VPS13A: variants seen among roughly 807,000 people sequenced by gnomAD.
VPS13A encodes the protein intermembrane lipid transfer protein VPS13A.
Under a neutral mutation model 390.9 loss-of-function variants are expected in VPS13A, and 264 were observed. The observed-to-expected ratio is 0.68, with a 90% CI of 0.61 to 0.75. The LOEUF (loss-of-function observed/expected upper bound fraction) is 0.75, where lower values mean the gene tolerates loss of function less well. Ranked by LOEUF, VPS13A falls within the 30% of genes least tolerant of loss-of-function variation. The pLI is 0.00. For synonymous variants in VPS13A, 1,231 were observed against 1,227.1 expected (o/e 1.00, Z -0.07); for missense variants, 3,409 against 3,733.9 (o/e 0.91, Z 2.27).
At chr9:77,316,531 T>A in intron 39 of VPS13A, 125 bp downstream of exon 39, 3 of 744,630 alleles carry the variant, frequency 4.0e-6, no homozygotes, top group Non-Finnish European at 6.9e-6. Context: ...TTCTCTCTGC[T>A]TAGAGAGCTT....
chr9:77,269,430 T>C (rs1188049909), intron 23 of VPS13A, among the ~76,000 whole-genome samples: 1 of 152,222 alleles, frequency 6.6e-6, no homozygotes, highest in Non-Finnish European at 1.5e-5. Context: ...GTTGATATCA[T>C]ACTGTCTTAA....
At chr9:77,400,944 A>G (rs939523222) in intron 68 of VPS13A, among the ~76,000 whole-genome samples, 8 of 152,190 alleles carry the variant, frequency 5.3e-5, no homozygotes, top group African/African-American at 1.9e-4. Flanking sequence ...AGAAGGATAC[A>G]GCTTTAGCCA....
chr9:77,351,171 T>C (rs1169628985), intron 52 of VPS13A, 146 bp from the exon 53 acceptor site: 1 of 1,013,944 alleles, frequency 9.9e-7, no homozygotes, highest in East Asian at 2.8e-5. Context: ...TTTTTAATTG[T>C]ATAAGGTAAG....
chr9:77,219,156 T>C (rs1384133336), intron 10 of VPS13A, among the ~76,000 whole-genome samples: 2 of 152,126 alleles, frequency 1.3e-5, no homozygotes, highest in Non-Finnish European at 2.9e-5. Context: ...ATTTATTTAT[T>C]TCTTCTGCTT....
chr9:77,218,529 T>C (rs1239679290), intron 10 of VPS13A, among the ~76,000 whole-genome samples: 1 of 152,166 alleles, frequency 6.6e-6, no homozygotes, highest in Non-Finnish European at 1.5e-5. Flanking sequence ...TTTTCTCCCA[T>C]TCTACAGTTT....
chr9:77,254,496 G>C (rs1286585272), intron 22 of VPS13A, among the ~76,000 whole-genome samples: 1 of 152,006 alleles, frequency 6.6e-6, no homozygotes, highest in Non-Finnish European at 1.5e-5. Flanking sequence ...TTGTTCTTTC[G>C]ATTGTCTTGG....
At position 77,416,528 on chromosome 9, in the gene VPS13A, T is replaced by C. The variant is rs942320542; in HGVS notation, c.*522T>C. On this transcript the variant is annotated 3_prime_UTR_variant, in exon 72 of 72. Transcript: ENST00000360280. ...GAAGTTCTTTTGCCAGATAAATATTTTGATATTATTTTCCTTTTTAATATA... is the reference window on the plus strand; with the variant it reads ...GAAGTTCTTTTGCCAGATAAATATTCTGATATTATTTTCCTTTTTAATATA... 1 of 154,314 alleles carries C rather than the reference T, an allele frequency of 6.5e-6. No homozygotes were observed. Among genetic ancestry groups the C allele is most frequent in the African/African-American group, 2.4e-5 (1 of 41,464 alleles). The allele number at this position is 154,314 out of a possible 1,614,324, so 9.6% of individuals were successfully genotyped here.
intron 71 of VPS13A, among the ~76,000 whole-genome samples, chr9:77,410,390 A>C (rs574140829): frequency 2.2e-3 from 338 of 152,186 alleles, no homozygotes; most frequent in Non-Finnish European, 3.1e-3. Context: ...GCATCAACTA[A>C]CGAGCAAAAT....
intron 68 of VPS13A, chr9:77,384,737 A>T: frequency 6.4e-7 from 1 of 1,553,078 alleles, no homozygotes; most frequent in Non-Finnish European, 8.7e-7. Context: ...GTTTTGTATG[A>T]CTTATACCAT....
At chr9:77,362,969 G>C (rs992539346) in intron 59 of VPS13A, among the ~76,000 whole-genome samples, 2 of 151,732 alleles carry the variant, frequency 1.3e-5, no homozygotes. Flanking sequence ...CTTGTATTTT[G>C]CACCCCTACT....
rs1034903869 is a variant in VPS13A, at chr9:77,419,249, C to T, written c.*3243C>T. The T allele has an allele frequency of 6.6e-5, 10 of 152,146 alleles. No homozygotes were observed. The East Asian group carries it at 1.7e-3, about 26-fold the overall frequency. The allele number at this position is 152,146 out of a possible 1,614,324, so 9.4% of individuals were successfully genotyped here. A position where few individuals can be genotyped will look rare whatever the true frequency, so the allele number is the denominator to read the frequency against. ...GTGGGTCATGAAATCAACTTAACAG[C>T]TCAAGACCAGTATATTTTAAACGTG... On this transcript the variant is annotated 3_prime_UTR_variant, in exon 72 of 72. Transcript: ENST00000360280.
intron 59 of VPS13A, among the ~76,000 whole-genome samples, chr9:77,364,246 G>A (rs1832314709): frequency 6.6e-6 from 1 of 152,090 alleles, no homozygotes; most frequent in Admixed American, 6.6e-5. Flanking sequence ...GCAACATAGT[G>A]AAACCCCATC....
At chr9:77,297,125 T>G (rs2131379211) in intron 33 of VPS13A, among the ~76,000 whole-genome samples, 1 of 152,256 alleles carries the variant, frequency 6.6e-6, no homozygotes, top group Non-Finnish European at 1.5e-5. Context: ...GATTTCTGAT[T>G]CAATATTTAT....
rs771812116 is a variant in VPS13A at position 77,318,242 on chromosome 9, C to T, written c.4964C>T (p.Pro1655Leu). 3 of 1,587,508 alleles carry T rather than the reference C, an allele frequency of 1.9e-6. No homozygotes were observed. Among genetic ancestry groups the T allele is most frequent in the South Asian group, 1.2e-5 (1 of 85,862 alleles). The change falls in exon 41 of 72, where the codon CCA (proline) becomes CTA (leucine). Residue 1655 changes from proline to leucine, a missense_variant. Transcript: ENST00000360280. The stretch of plus-strand genomic sequence containing the variant: ...TAATTTTTTTCCATTTAGGTTTCAC[C>T]AGTTATTATAAATACTATGATTACC... ...SVKSLTLKVS[P>L]VIINTMITIT...
At chr9:77,329,457 A>G (rs971749480) in intron 45 of VPS13A, among the ~76,000 whole-genome samples, 7 of 152,156 alleles carry the variant, frequency 4.6e-5, no homozygotes, top group Admixed American at 2.0e-4. Flanking sequence ...AGGCCATTGG[A>G]GGGTTATTAA....
At chr9:77,336,724 T>C (rs1232953119) in intron 46 of VPS13A, among the ~76,000 whole-genome samples, 1 of 151,270 alleles carries the variant, frequency 6.6e-6, no homozygotes, top group African/African-American at 2.4e-5. Flanking sequence ...AGTAAGTTTG[T>C]AAGAAAAATA....
At position 77,420,545 on chromosome 9, in the gene VPS13A, A is replaced by G. The variant is rs1835311405; in HGVS notation, c.*4539A>G. On this transcript the variant is annotated 3_prime_UTR_variant, in exon 72 of 72. Transcript: ENST00000360280. ...AATATAACTTCAATTTTTTAGGTTG[A>G]TATGGGTATATTTTTAAAGTTTTTA... The G allele has an allele frequency of 2.0e-5, 3 of 152,144 alleles. No homozygotes were observed. In the South Asian group the frequency reaches 6.2e-4, roughly 31 times the overall value. The allele number at this position is 152,144 out of a possible 1,614,324, so 9.4% of individuals were successfully genotyped here. A position where few individuals can be genotyped will look rare whatever the true frequency, so the allele number is the denominator to read the frequency against.
In VPS13A at chr9:77,420,988, T is replaced by G. The variant is rs1251281390; in HGVS notation, c.*4982T>G. ...ATTAGGAATGGTATCTGGAACTTGT[T>G]ACAAGGTCAGATAAACTGTTACAGA... is the stretch of plus-strand genomic sequence containing the variant. On this transcript the variant is annotated 3_prime_UTR_variant, in exon 72 of 72. Coordinates refer to ENST00000360280, the MANE Select transcript of VPS13A (RefSeq NM_033305.3). 1 of 152,242 alleles carries G rather than the reference T, an allele frequency of 6.6e-6. No homozygotes were observed. The highest frequency in any genetic ancestry group is 2.4e-5 in the African/African-American group (1 of 41,472). The allele number at this position is 152,242 out of a possible 1,614,324, so 9.4% of individuals were successfully genotyped here.
At chr9:77,295,444 G>GTT in intron 32 of VPS13A, 98 bp from the exon 33 acceptor site, 2 of 1,081,264 alleles carry the variant, frequency 1.8e-6, no homozygotes, top group South Asian at 4.7e-5. Context: ...TCAAGTAAAA[G>GTT]TTTTTTTTTA....
Sources: gnomAD v4.1 joint callset for allele counts (sites outside exome capture counted in the v4.1 genomes callset) on GRCh38, gnomAD v4.1.1 for gene constraint, MANE v1.5 for transcripts, NCBI Gene and HGNC (gene_info 2026-07-23, HGNC 2026-07-21) for gene names.